The following CHL1 variants were observed in gnomAD, a reference collection of about 807,000 sequenced individuals.
CHL1 encodes the protein cell adhesion molecule L1 like.
Under a neutral mutation model 141.9 loss-of-function variants are expected in CHL1, and 96 were observed. That is an observed-to-expected ratio of 0.68 (90% CI 0.57 to 0.80). The LOEUF (loss-of-function observed/expected upper bound fraction) is 0.80. CHL1 is among the 30% of genes least tolerant of loss of function. CHL1 has a pLI of 0.00. For missense variants in CHL1, 1,820 were observed against 1,457.2 expected, an observed-to-expected ratio of 1.25 and a Z score of -4.05; for synonymous variants, 613 against 502.2, an observed-to-expected ratio of 1.22 and a Z score of -2.95.
intron 8 of CHL1, among the ~76,000 whole-genome samples, chr3:343,733 G>T (rs1702536051): frequency 6.6e-6 from 1 of 152,158 alleles, no homozygotes; most frequent in Admixed American, 6.5e-5. Context: ...GGAGGAGGAT[G>T]TAAGCTCCTT....
At chr3:334,610 T>C (rs1701714288) in intron 5 of CHL1, among the ~76,000 whole-genome samples, 1 of 152,224 alleles carries the variant, frequency 6.6e-6, no homozygotes, top group Non-Finnish European at 1.5e-5. Context: ...ATATCAGTAG[T>C]TTATTTCTCT....
intron 2 of CHL1, among the ~76,000 whole-genome samples, chr3:286,187 A>G (rs1028049032): frequency 2.6e-5 from 4 of 152,124 alleles, no homozygotes; most frequent in Admixed American, 2.6e-4. Context: ...CCTGCAAGGC[A>G]CTTATCACAA....
intron 2 of CHL1, among the ~76,000 whole-genome samples, chr3:312,512 G>A (rs147129667): frequency 5.3e-3 from 809 of 152,264 alleles, no homozygotes; most frequent in Admixed American, 8.8e-3. Context: ...TTGTGTATGT[G>A]TTTATCCTTC....
intron 2 of CHL1, among the ~76,000 whole-genome samples, chr3:273,909 C>T (rs73100340): frequency 0.044 from 6,680 of 152,160 alleles, 448 homozygotes; most frequent in African/African-American, 0.15. Context: ...AATTTGACCA[C>T]GCCATAATTC....
chr3:296,943 C>T (rs1404372556), intron 2 of CHL1, among the ~76,000 whole-genome samples: 1 of 151,910 alleles, frequency 6.6e-6, no homozygotes, highest in African/African-American at 2.4e-5. Context: ...AGAGAATGTG[C>T]AAAACAAGCA....
chr3:287,731 T>C (rs538631811), intron 2 of CHL1, among the ~76,000 whole-genome samples: 1 of 152,180 alleles, frequency 6.6e-6, no homozygotes, highest in Non-Finnish European at 1.5e-5. Context: ...ATTTTTGTTA[T>C]GGTAGCAGAT....
In CHL1 at chr3:311,766, G is replaced by C. The variant is rs919387634; in HGVS notation, c.-94-7917G>C. Among the ~76,000 whole-genome samples, 4 of 152,112 alleles carry C rather than the reference G, an allele frequency of 2.6e-5. No individual in the cohort carries two copies. In the East Asian group the frequency reaches 7.7e-4, roughly 29 times the overall value. On this transcript the variant is annotated intron_variant, in intron 2 of 27. Coordinates refer to ENST00000256509, the MANE Select transcript of CHL1 (RefSeq NM_006614.4). ...TTATACATATGTAAAAGTTTGCTGA[G>C]CTGTACACTTAAGTTTTGTGCATTT...
At chr3:294,746 C>T (rs954384255) in intron 2 of CHL1, among the ~76,000 whole-genome samples, 1 of 152,134 alleles carries the variant, frequency 6.6e-6, no homozygotes, top group Non-Finnish European at 1.5e-5. Context: ...TTTGATTCAT[C>T]ACATCCCAGG....
chr3:277,536 C>G (rs1466779787), intron 2 of CHL1, among the ~76,000 whole-genome samples: 2 of 152,036 alleles, frequency 1.3e-5, no homozygotes, highest in African/African-American at 4.8e-5. Context: ...TACTTTTATC[C>G]TTTTCAGAAT....
chr3:383,897 C>T lies in CHL1; in HGVS notation c.2247+11C>T. The T allele has an allele frequency of 6.3e-7, 1 of 1,580,870 alleles. No homozygotes were observed. The highest frequency in any genetic ancestry group is 2.2e-5 in the East Asian group (1 of 44,528). ...ATTATAAAGTGGGAGGTGTGTATTT[C>T]TTAATACGTTATGTATTTCTTTGTG... is the stretch of plus-strand genomic sequence containing the variant. On this transcript the variant is annotated intron_variant, in intron 19 of 27. Coordinates refer to ENST00000256509, the MANE Select transcript of CHL1 (RefSeq NM_006614.4).
chr3:340,937 T>C, intron 6 of CHL1, 21 bp downstream of exon 6: 1 of 1,596,744 alleles, frequency 6.3e-7, no homozygotes, highest in South Asian at 1.1e-5. Flanking sequence ...CTCCGTTCCA[T>C]CAAAAAAGGG....
chr3:377,562 C>T (rs1706487439), intron 15 of CHL1, among the ~76,000 whole-genome samples: 1 of 152,134 alleles, frequency 6.6e-6, no homozygotes, highest in African/African-American at 2.4e-5. Flanking sequence ...CCATCACTGA[C>T]CCATGCAAAC....
chr3:347,832 C>T (rs543592185), intron 9 of CHL1, among the ~76,000 whole-genome samples: 4 of 152,284 alleles, frequency 2.6e-5, no homozygotes, highest in South Asian at 2.1e-4. Flanking sequence ...CCTACACAAG[C>T]GTGCCATGTG....
At chr3:396,783 G>C (rs1186445314) in intron 24 of CHL1, among the ~76,000 whole-genome samples, 1 of 151,988 alleles carries the variant, frequency 6.6e-6, no homozygotes, top group East Asian at 1.9e-4. Flanking sequence ...TATTCTATAG[G>C]CATGTCTTGC....
At chr3:388,958 T>C (rs893743569) in intron 19 of CHL1, among the ~76,000 whole-genome samples, 1 of 152,270 alleles carries the variant, frequency 6.6e-6, no homozygotes, top group Admixed American at 6.5e-5. Context: ...GTGGAATTTC[T>C]TTGTAACTTC....
chr3:326,812 T>A (rs1333882723), intron 4 of CHL1, among the ~76,000 whole-genome samples: 1 of 151,910 alleles, frequency 6.6e-6, no homozygotes, highest in African/African-American at 2.4e-5. Context: ...TCATTAAGAA[T>A]ATCCATATTT....
At chr3:384,937 G>A (rs1707496177) in intron 19 of CHL1, among the ~76,000 whole-genome samples, 1 of 152,034 alleles carries the variant, frequency 6.6e-6, no homozygotes. Context: ...ATATTTTTTA[G>A]ATCAAAATTA....
At chr3:320,110 A>C (rs778780227) in intron 3 of CHL1, among the ~76,000 whole-genome samples, 1 of 152,046 alleles carries the variant, frequency 6.6e-6, no homozygotes, top group Non-Finnish European at 1.5e-5. Context: ...TAACAAGAAT[A>C]GTAACCTATA....
chr3:345,595 T>C (rs1702704302), intron 9 of CHL1, among the ~76,000 whole-genome samples: 1 of 152,150 alleles, frequency 6.6e-6, no homozygotes. Context: ...GCGATTCTCC[T>C]GCCTCAGCCT....
Sources: allele counts gnomAD v4.1 joint callset (sites outside exome capture counted in the v4.1 genomes callset), GRCh38; gene constraint gnomAD v4.1.1; transcripts MANE v1.5; gene names NCBI Gene and HGNC (gene_info 2026-07-23, HGNC 2026-07-21).